Variants in CCDC191 observed in about 807,000 individuals in gnomAD.
CCDC191 encodes the protein coiled-coil domain containing 191.
Under a neutral mutation model 114.0 loss-of-function variants are expected in CCDC191, and 99 were observed. The ratio of observed to expected loss-of-function variants is 0.87; its 90% CI spans 0.74 to 1.03. The LOEUF (loss-of-function observed/expected upper bound fraction) is 1.03. Ranked by LOEUF, CCDC191 falls within the 50% of genes least tolerant of loss-of-function variation. CCDC191 has a pLI of 0.00. For synonymous variants in CCDC191, 351 were observed against 376.0 expected (o/e 0.93, Z 0.77); for missense variants, 973 against 1,087.0 (o/e 0.90, Z 1.47).
Position 113,971,848 on chromosome 3 carries a change from A to G in CCDC191, c.2606+6338T>C, listed in dbSNP as rs193268190. ...GTGAGACTTTTTAATTACAGCTTCA[A>G]TCTCATTACTTATTAGTGGTTTGTT... On this transcript the variant is annotated intron_variant, in intron 16 of 16. Coordinates refer to ENST00000295878, the MANE Select transcript of CCDC191 (RefSeq NM_020817.2). Among the ~76,000 whole-genome samples the G allele has an allele frequency of 2.7e-3, 408 of 152,112 alleles. 1 individual carries two copies. The highest frequency in any genetic ancestry group is 9.5e-3 in the African/African-American group (394 of 41,540).
intron 11 of CCDC191, 90 bp from the exon 12 acceptor site, chr3:114,002,628 T>C: frequency 1.5e-6 from 2 of 1,300,052 alleles, no homozygotes; most frequent in Non-Finnish European, 2.1e-6. Context: ...CATAGTAAAA[T>C]TTAGTGTTAT....
At chr3:114,008,170 T>C (rs2076005464) in intron 9 of CCDC191, among the ~76,000 whole-genome samples, 1 of 148,744 alleles carries the variant, frequency 6.7e-6, no homozygotes, top group Non-Finnish European at 1.5e-5. Context: ...AAAAATACTT[T>C]CTGCTGACTT....
At chr3:114,023,656 G>T (rs1056836243) in intron 7 of CCDC191, among the ~76,000 whole-genome samples, 8 of 152,118 alleles carry the variant, frequency 5.3e-5, no homozygotes, top group Non-Finnish European at 1.2e-4. Flanking sequence ...TAGCCATATG[G>T]AGAAAGCTGA....
upstream of CCDC191, chr3:114,056,565 G>A (rs756165200): frequency 3.1e-6 from 5 of 1,603,088 alleles, no homozygotes; most frequent in Non-Finnish European, 3.4e-6. Flanking sequence ...TCCTCCGCCC[G>A]CAAGGAAAGC....
intron 4 of CCDC191, among the ~76,000 whole-genome samples, chr3:114,039,207 A>C (rs543768255): frequency 2.8e-4 from 42 of 152,200 alleles, no homozygotes; most frequent in Non-Finnish European, 4.9e-4. Context: ...ATTCCTACTT[A>C]TTAGAAAAAA....
chr3:113,983,982 A>G (rs1170003975), intron 13 of CCDC191: 1 of 152,186 alleles, frequency 6.6e-6, no homozygotes, highest in East Asian at 1.9e-4. Context: ...GGCACCCAAC[A>G]TGCTTTTCTG....
chr3:114,032,985 T>C (rs1369815630), intron 6 of CCDC191, among the ~76,000 whole-genome samples: 1 of 152,112 alleles, frequency 6.6e-6, no homozygotes, highest in African/African-American at 2.4e-5. Flanking sequence ...TCTAATACCA[T>C]GAAACTGATT....
chr3:114,011,109 T>A, intron 8 of CCDC191, 88 bp from the exon 9 acceptor site: 1 of 1,389,556 alleles, frequency 7.2e-7, no homozygotes, highest in Non-Finnish European at 9.7e-7. Flanking sequence ...TCCAAAAGGG[T>A]TCTAGAAATG....
At position 113,965,248 on chromosome 3, in the gene CCDC191, A is replaced by T. The variant is rs770895905; in HGVS notation, c.2718T>A (p.Ile906=). 1 of 1,611,884 alleles carries T rather than the reference A, an allele frequency of 6.2e-7. No individual in the cohort carries two copies. Among genetic ancestry groups the T allele is most frequent in the South Asian group, 1.1e-5 (1 of 90,596 alleles). The change falls in exon 17 of 17, where the codon ATT becomes ATA. Residue 906 remains isoleucine (I), a synonymous_variant. Transcript: ENST00000295878. ...TTCCAGGTACCTGGAAGTCTGGAAG[A>T]ATTTCAACTACCTTCCTACGAAGTT... The part of the protein sequence containing the change: ...RQQLRRKVVE[I]LPDFQVPGRY...
intron 7 of CCDC191, among the ~76,000 whole-genome samples, chr3:114,027,748 G>A (rs1294115533): frequency 1.3e-5 from 2 of 152,112 alleles, no homozygotes; most frequent in African/African-American, 4.8e-5. Context: ...GTTTCTACAG[G>A]GTTTGTACCA....
intron 12 of CCDC191, 69 bp downstream of exon 12, chr3:114,002,387 T>C: frequency 8.5e-7 from 1 of 1,173,472 alleles, no homozygotes; most frequent in Non-Finnish European, 1.2e-6. Context: ...AAAAGCAAGG[T>C]TTCATTTTTT....
Position 113,978,936 on chromosome 3 carries a change from A to T in CCDC191, c.2382T>A (p.Ser794Arg). The T allele has an allele frequency of 6.2e-7, 1 of 1,614,068 alleles. No homozygotes were observed. The highest frequency in any genetic ancestry group is 1.1e-5 in the South Asian group (1 of 91,086). ...CAGCCTGGGCCATCTTTCTAGCCAG[A>T]CTTTCCTGACTACGCTGGAACCACG... Reference protein sequence around the residue: ...MLTWFQRSQESLARKMAQADQ... With the variant: ...MLTWFQRSQERLARKMAQADQ... The change falls in exon 15 of 17, where the codon AGT (serine) becomes AGA (arginine). Residue 794 changes from serine (S) to arginine (R), a missense_variant. By Grantham distance (110) the Ser-to-Arg change is moderately radical. Coordinates refer to ENST00000295878, the MANE Select transcript of CCDC191 (RefSeq NM_020817.2).
At chr3:114,047,126 G>C (rs2076641480) in intron 2 of CCDC191, 22 of 983,296 alleles carry the variant, frequency 2.2e-5, no homozygotes, top group Non-Finnish European at 2.7e-5. Context: ...ACCAGAGGTA[G>C]AGTAACCACA....
chr3:113,991,259 C>G (rs1415852745), intron 13 of CCDC191, among the ~76,000 whole-genome samples: 1 of 74,050 alleles, frequency 1.4e-5, no homozygotes, highest in African/African-American at 4.7e-5. Context: ...AACAAACAAA[C>G]CCCCCCCCCC....
Position 113,965,197 on chromosome 3 carries a change from TG to T in CCDC191, c.2768del (p.Ser923Ter). 4.3e-6 allele frequency: 7 copies of T among 1,610,406 alleles called. No homozygotes were observed. The highest frequency in any genetic ancestry group is 5.9e-6 in the Non-Finnish European group (7 of 1,178,480). On this transcript the variant is annotated frameshift_variant, in exon 17 of 17. Transcript: ENST00000295878. LOFTEE classifies it low-confidence loss of function (END_TRUNC). ...PGRYHELYQQ[S>X]DTWSLSKTSL... is the part of the protein sequence containing the mutation. ...TTGTCTTACTCAAGGACCAAGTATCTGATTGCTGATATAGCTCGTGGTACCT... is the reference window on the plus strand; with the variant it reads ...TTGTCTTACTCAAGGACCAAGTATCTATTGCTGATATAGCTCGTGGTACCT...
rs1472685654 is a variant in CCDC191, at chr3:114,032,382, C to CTA, written c.819-605_819-604dup. Among the ~76,000 whole-genome samples the CTA allele has an allele frequency of 2.6e-5, 4 of 152,022 alleles. No homozygotes were observed. The East Asian group carries it at 7.7e-4, about 29-fold the overall frequency. ...TCTGAGCATCCTCTTTTTTGCCCAC[C>CTA]TATCTATTCTTCCTCATCCAGGCCA... On this transcript the variant is annotated intron_variant, in intron 6 of 16. Transcript: ENST00000295878.
chr3:114,018,809 C>T lies in CCDC191; in HGVS notation c.1032G>A (p.Leu344=). ...AGTCAGACAGGGTCCCAGCTTTCCC[C>T]AGCTTAATCCTATGATCAAGAATCA... ...HKLILDHRIK[L]GKAGTLSDWK... The change falls in exon 8 of 17, where the codon CTG becomes CTA. Residue 344 remains leucine (L), a synonymous_variant. Coordinates refer to ENST00000295878, the MANE Select transcript of CCDC191 (RefSeq NM_020817.2). 6.2e-7 allele frequency: 1 copy of T among 1,613,910 alleles called. No homozygotes were observed.
chr3:113,998,022 T>C (rs553780287), intron 13 of CCDC191, among the ~76,000 whole-genome samples: 15 of 151,036 alleles, frequency 9.9e-5, no homozygotes, highest in Non-Finnish European at 2.2e-4. Flanking sequence ...AAAAAAAAAG[T>C]TGGCTGGGCG....
Position 114,010,787 on chromosome 3 carries a change from T to C in CCDC191, c.1398A>G (p.Pro466=), listed in dbSNP as rs111297405. 3.5e-4 allele frequency: 556 copies of C among 1,610,698 alleles called. 3 individuals carry two copies. In the African/African-American group the frequency reaches 6.7e-3, roughly 19 times the overall value. ...AACAACGTACCTGTCCATTTTTTACTGGTGGACCCACCATGGCTGTTGCCT... is the reference window on the plus strand; with the variant it reads ...AACAACGTACCTGTCCATTTTTTACCGGTGGACCCACCATGGCTGTTGCCT... ...PEEATAMVGP[P]VKNGQETAVP... is the part of the protein sequence containing the mutation. Residue 466 remains proline (P), a synonymous_variant, in exon 9 of 17, where the codon CCA becomes CCG. Coordinates refer to ENST00000295878, the MANE Select transcript of CCDC191 (RefSeq NM_020817.2).
Sources: allele counts gnomAD v4.1 joint callset (sites outside exome capture counted in the v4.1 genomes callset), GRCh38; gene constraint gnomAD v4.1.1; transcripts MANE v1.5; gene names NCBI Gene and HGNC (gene_info 2026-07-23, HGNC 2026-07-21).